ZNF516: variants seen among roughly 807,000 people sequenced by gnomAD.
ZNF516 encodes zinc finger protein 516.
A neutral mutation model predicts 79.7 loss-of-function variants in ZNF516; 19 were observed. The observed-to-expected ratio is 0.24, with a 90% CI of 0.17 to 0.35. ZNF516 has a LOEUF of 0.35. Among genes scored for constraint, ZNF516 ranks in the 10% least tolerant of loss-of-function variants. ZNF516 has a pLI of 1.00. For missense variants in ZNF516, 1,678 were observed against 1,679.5 expected, an observed-to-expected ratio of 1.00 and a Z score of 0.02; for synonymous variants, 877 against 739.5, an observed-to-expected ratio of 1.19 and a Z score of -3.02.
rs1405623631 is a variant in ZNF516 at position 76,360,639 on chromosome 18, A to AAAAAAAT, written c.*1858_*1859insATTTTTT. 5.1e-4 allele frequency: 57 copies of AAAAAAAT among 112,040 alleles called. No individual in the cohort carries two copies. In the East Asian group the frequency reaches 0.012, roughly 24 times the overall value. 6.9% of individuals were successfully genotyped at this position (112,040 alleles called of 1,614,324 possible). Reference sequence around the variant, plus strand: ...ATATCAGAAAAAAATAAGTAAAAAAAAAAAAAAATATATATATATATATAT... The same window carrying AAAAAAAT: ...ATATCAGAAAAAAATAAGTAAAAAAAAAAAAATAAAAAAAATATATATATATATATAT... On this transcript the variant is annotated 3_prime_UTR_variant, in exon 7 of 7. Coordinates refer to ENST00000443185, the MANE Select transcript of ZNF516 (RefSeq NM_014643.4).
intron 6 of ZNF516, among the ~76,000 whole-genome samples, chr18:76,366,051 G>A (rs966891786): frequency 1.3e-5 from 2 of 152,212 alleles, no homozygotes; most frequent in Admixed American, 6.5e-5. Flanking sequence ...TAACATGGAA[G>A]AGGCTTAAAC....
Position 76,442,760 on chromosome 18 carries a change from C to G in ZNF516, c.295G>C (p.Glu99Gln), listed in dbSNP as rs1208884048. 1.3e-6 allele frequency: 2 copies of G among 1,589,400 alleles called. No individual in the cohort carries two copies. ...LIQGHEPEAG[E>Q]APLGEMRASE... ...GCGCGCATCTCACCCAGCGGCGCCTCGCCCGCCTCCGGCTCGTGTCCCTGA... is the reference window on the plus strand; with the variant it reads ...GCGCGCATCTCACCCAGCGGCGCCTGGCCCGCCTCCGGCTCGTGTCCCTGA... The change falls in exon 3 of 7, where the codon GAG becomes CAG. Residue 99 changes from glutamate (E) to glutamine (Q), a missense_variant. Physicochemically the swap from Glu to Gln is conservative, Grantham distance 29. Transcript: ENST00000443185.
chr18:76,473,537 C>G (rs916410381), intron 1 of ZNF516, among the ~76,000 whole-genome samples: 1 of 152,106 alleles, frequency 6.6e-6, no homozygotes, highest in Non-Finnish European at 1.5e-5. Flanking sequence ...TGCGGTGGCT[C>G]ACGCCTGTAA....
rs1246962764 is a variant in ZNF516, at chr18:76,441,568, C to G, written c.1487G>C (p.Arg496Pro). ...DPAPAGHLDP[R>P]SAARPNRRAA... ...CCTGCGGTTGGGGCGCGCGGCCGAG[C>G]GGGGATCGAGGTGGCCGGCGGGCGC... The change falls in exon 3 of 7, where the codon CGC becomes CCC. Residue 496 changes from arginine (R) to proline (P), a missense_variant. Coordinates refer to ENST00000443185, the MANE Select transcript of ZNF516 (RefSeq NM_014643.4). 4.1e-6 allele frequency: 6 copies of G among 1,478,070 alleles called. No individual in the cohort carries two copies. The highest frequency in any genetic ancestry group is 4.5e-6 in the Non-Finnish European group (5 of 1,119,446). 91.6% of individuals were successfully genotyped at this position (1,478,070 alleles called of 1,614,324 possible). A position where few individuals can be genotyped will look rare whatever the true frequency, so the allele number is the denominator to read the frequency against.
Position 76,465,272 on chromosome 18 carries a change from C to T in ZNF516, c.-271-2131G>A, listed in dbSNP as rs183928711. 5.2e-3 allele frequency among the ~76,000 whole-genome samples: 797 copies of T among 152,324 alleles called. 9 individuals are homozygous for T. Among genetic ancestry groups the T allele is most frequent in the Non-Finnish European group, 6.1e-3 (414 of 68,026 alleles). ...ATGCACATCCAGAGATGCTTTCCTG[C>T]CCCTGGACACCAGCTTCAGATTTGG... On this transcript the variant is annotated intron_variant, in intron 1 of 6. Transcript: ENST00000443185.
chr18:76,423,791 T>C (rs1323614253), intron 3 of ZNF516, among the ~76,000 whole-genome samples: 3 of 132,746 alleles, frequency 2.3e-5, no homozygotes, highest in African/African-American at 9.0e-5. Flanking sequence ...GTGAAAAGGT[T>C]CCCCCATGAA....
intron 2 of ZNF516, among the ~76,000 whole-genome samples, chr18:76,462,234 A>C (rs1470397384): frequency 1.3e-5 from 2 of 152,222 alleles, no homozygotes; most frequent in East Asian, 3.9e-4. Flanking sequence ...CAGCAGCTCC[A>C]GATTTGCAAA....
chr18:76,383,360 C>T (rs2074925593), intron 3 of ZNF516, among the ~76,000 whole-genome samples: 1 of 151,840 alleles, frequency 6.6e-6, no homozygotes, highest in South Asian at 2.1e-4. Context: ...CAGCCAGGGA[C>T]CCAGGACCCT....
At chr18:76,446,404 G>A (rs560380160) in intron 2 of ZNF516, among the ~76,000 whole-genome samples, 1 of 152,106 alleles carries the variant, frequency 6.6e-6, no homozygotes, top group African/African-American at 2.4e-5. Flanking sequence ...CCCAAATACA[G>A]CCCCATCTAG....
rs779692365 is a variant in ZNF516 at position 76,442,398 on chromosome 18, G to T, written c.657C>A (p.Ile219=). 2.5e-6 allele frequency: 4 copies of T among 1,608,184 alleles called. No individual in the cohort carries two copies. The highest frequency in any genetic ancestry group is 2.5e-6 in the Non-Finnish European group (3 of 1,179,648). Residue 219 remains isoleucine, a synonymous_variant, in exon 3 of 7, where the codon ATC becomes ATA. Transcript: ENST00000443185. The part of the protein sequence containing the change: ...TLREESLLSH[I]ERDHITAQGP... ...CCTGCGCGGTGATGTGGTCCCTCTC[G>T]ATGTGGCTCAGCAGCGACTCCTCCC...
intron 2 of ZNF516, among the ~76,000 whole-genome samples, chr18:76,456,755 G>A (rs1046642823): frequency 6.6e-5 from 10 of 151,480 alleles, no homozygotes; most frequent in East Asian, 1.9e-4. Context: ...TGGGGGGTGG[G>A]GGGGGGCCAG....
chr18:76,442,233 G>A lies in ZNF516; in HGVS notation c.822C>T (p.Phe274=). ...GGCCGCAGATGTGGCAGCCGTGGTC[G>A]AAGGAGCCCCGGTGCTTCTTCATGT... ...KAHMKKHRGS[F]DHGCHICGRR... Residue 274 remains phenylalanine, a synonymous_variant, in exon 3 of 7, where the codon TTC becomes TTT. Coordinates refer to ENST00000443185, the MANE Select transcript of ZNF516 (RefSeq NM_014643.4). 2 of 1,613,762 alleles carry A rather than the reference G, an allele frequency of 1.2e-6. No homozygotes were observed. Among genetic ancestry groups the A allele is most frequent in the Non-Finnish European group, 1.7e-6 (2 of 1,179,868 alleles).
chr18:76,488,172 A>G (rs1914942945), intron 1 of ZNF516: 1 of 985,378 alleles, frequency 1.0e-6, no homozygotes. Context: ...TGACACTACA[A>G]TTCACTTGAA....
rs544019796 is a variant in ZNF516, at chr18:76,403,238, G to C, written c.1811-22935C>G. Among the ~76,000 whole-genome samples, 135 of 152,308 alleles carry C rather than the reference G, an allele frequency of 8.9e-4. 2 individuals are homozygous for C. Among genetic ancestry groups the C allele is most frequent in the Non-Finnish European group, 1.8e-4 (12 of 68,036 alleles). On this transcript the variant is annotated intron_variant, in intron 3 of 6. Coordinates refer to ENST00000443185, the MANE Select transcript of ZNF516 (RefSeq NM_014643.4). Reference sequence around the variant, plus strand: ...AGTACTATACTGGTGCACCCGTTAAGACACTTCCCTTGCCCAGGGCTGCCT... The same window carrying C: ...AGTACTATACTGGTGCACCCGTTAACACACTTCCCTTGCCCAGGGCTGCCT...
intron 3 of ZNF516, among the ~76,000 whole-genome samples, chr18:76,425,058 G>C (rs1284402303): frequency 6.6e-6 from 1 of 151,034 alleles, no homozygotes; most frequent in African/African-American, 2.4e-5. Flanking sequence ...AGGTGAAAAG[G>C]TTCCCCCTGA....
chr18:76,444,051 C>G (rs1004829180), intron 2 of ZNF516, among the ~76,000 whole-genome samples: 1 of 152,168 alleles, frequency 6.6e-6, no homozygotes, highest in South Asian at 2.1e-4. Flanking sequence ...GGACGAGGGA[C>G]GCATGAATCA....
In ZNF516 at chr18:76,401,067, C is replaced by T. The variant is rs1210272244; in HGVS notation, c.1811-20764G>A. Among the ~76,000 whole-genome samples the T allele has an allele frequency of 2.6e-5, 4 of 152,142 alleles. No individual in the cohort carries two copies. In the East Asian group the frequency reaches 5.8e-4, roughly 22 times the overall value. ...GAGGAAATAACTGTATTTTCCTTTC[C>T]TGTACATCTTAACCCATTTATGCCT... On this transcript the variant is annotated intron_variant, in intron 3 of 6. Coordinates refer to ENST00000443185, the MANE Select transcript of ZNF516 (RefSeq NM_014643.4).
chr18:76,401,997 G>C (rs962536746), intron 3 of ZNF516, among the ~76,000 whole-genome samples: 2 of 148,966 alleles, frequency 1.3e-5, no homozygotes, highest in African/African-American at 2.4e-5. Flanking sequence ...GTGTGTACGC[G>C]CGTGTGTACA....
rs200576519 is a variant in ZNF516, at chr18:76,461,947, C to G, written c.-158+1081G>C. Among the ~76,000 whole-genome samples, 7 of 152,344 alleles carry G rather than the reference C, an allele frequency of 4.6e-5. No homozygotes were observed. In the East Asian group the frequency reaches 9.7e-4, roughly 21 times the overall value. On this transcript the variant is annotated intron_variant, in intron 2 of 6. Transcript: ENST00000443185. Reference sequence around the variant, plus strand: ...GCAGGCGTGTGGTATGTGGGGAAACCGCTCCGCCCTCCTCCTGTGACTCTG... The same window carrying G: ...GCAGGCGTGTGGTATGTGGGGAAACGGCTCCGCCCTCCTCCTGTGACTCTG...
Sources: gnomAD v4.1 joint callset for allele counts (sites outside exome capture counted in the v4.1 genomes callset) on GRCh38, gnomAD v4.1.1 for gene constraint, MANE v1.5 for transcripts, NCBI Gene and HGNC (gene_info 2026-07-23, HGNC 2026-07-21) for gene names.